Variants in RYR3 observed in about 807,000 individuals in gnomAD.
The protein encoded by RYR3 is ryanodine receptor 3, also known as brain ryanodine receptor-calcium release channel.
In RYR3, 207 loss-of-function variants were observed where a neutral mutation model predicts 584.3. The observed-to-expected ratio is 0.35, with a 90% confidence interval of 0.32 to 0.40. RYR3 has a LOEUF of 0.40. RYR3 is among the 10% of genes least tolerant of loss of function. The pLI is 1.00. For synonymous variants in RYR3, 2,416 were observed against 2,248.5 expected (o/e 1.07, Z -2.11); for missense variants, 5,616 against 6,089.2 (o/e 0.92, Z 2.59).
chr15:33,425,850 G>A (rs189372905), intron 1 of RYR3, among the ~76,000 whole-genome samples: 1,874 of 152,086 alleles, frequency 0.012, 22 homozygotes, highest in Non-Finnish European at 0.019. Flanking sequence ...CACCGTGTTA[G>A]CCAGGATGGT....
intron 85 of RYR3, among the ~76,000 whole-genome samples, chr15:33,829,167 A>G (rs113767119): frequency 1.1e-3 from 149 of 140,190 alleles, no homozygotes; most frequent in African/African-American, 3.9e-3. Flanking sequence ...CCAACTGCTC[A>G]GAAAAAAAAA....
At chr15:33,462,889 A>G (rs2048161089) in intron 1 of RYR3, among the ~76,000 whole-genome samples, 1 of 152,122 alleles carries the variant, frequency 6.6e-6, no homozygotes, top group Non-Finnish European at 1.5e-5. Flanking sequence ...TTCTTCAAAT[A>G]AGGTTCAGGT....
intron 78 of RYR3, 79 bp downstream of exon 78, chr15:33,820,891 T>A: frequency 4.4e-6 from 2 of 458,592 alleles, no homozygotes; most frequent in Non-Finnish European, 6.1e-6. Flanking sequence ...GTGCTGACAT[T>A]AGCCTATTGA....
intron 3 of RYR3, among the ~76,000 whole-genome samples, chr15:33,527,756 A>T (rs2054514089): frequency 6.6e-6 from 1 of 152,186 alleles, no homozygotes; most frequent in African/African-American, 2.4e-5. Context: ...TTTGAGCAAG[A>T]AAGTAACATG....
At chr15:33,533,412 CTT>C in intron 5 of RYR3, 23 bp downstream of exon 5, 1 of 1,557,158 alleles carries the variant, frequency 6.4e-7, no homozygotes, top group African/African-American at 1.4e-5. Context: ...TCCCAGATCT[CTT>C]GAGCTCAGCG....
intron 28 of RYR3, 186 bp from the exon 29 acceptor site, chr15:33,646,165 G>A: frequency 5.7e-6 from 3 of 521,842 alleles, no homozygotes; most frequent in Admixed American, 3.4e-5. Flanking sequence ...GCCAGGAGCA[G>A]ATCTGTTTCT....
intron 67 of RYR3, among the ~76,000 whole-genome samples, chr15:33,789,735 C>T (rs1214953685): frequency 1.8e-5 from 2 of 109,688 alleles, no homozygotes; most frequent in African/African-American, 3.7e-5. Flanking sequence ...AGTGCAGTGG[C>T]GCAATCTCGG....
At chr15:33,580,223 C>T in intron 13 of RYR3, 79 bp downstream of exon 13, 2 of 1,172,792 alleles carry the variant, frequency 1.7e-6, no homozygotes, top group Non-Finnish European at 2.4e-6. Context: ...TTAGCTTTGT[C>T]TTTCTGCATG....
chr15:33,603,672 G>A (rs1369708883), intron 18 of RYR3, among the ~76,000 whole-genome samples: 2 of 152,178 alleles, frequency 1.3e-5, no homozygotes, highest in Admixed American at 6.5e-5. Flanking sequence ...ACTGAGCAGT[G>A]AGTTACATAC....
intron 40 of RYR3, among the ~76,000 whole-genome samples, chr15:33,699,009 T>A (rs973967131): frequency 6.6e-6 from 1 of 152,158 alleles, no homozygotes; most frequent in Non-Finnish European, 1.5e-5. Flanking sequence ...AACAGTAATG[T>A]AAGATGGCAT....
chr15:33,842,998 G>A lies in RYR3; in HGVS notation c.13210-490G>A, dbSNP rs138962609. On this transcript the variant is annotated intron_variant, in intron 91 of 103. Coordinates refer to ENST00000634891, the MANE Select transcript of RYR3 (RefSeq NM_001036.6). ...CATTTTGGTTCCATGTTCATGACACGACACAGTCATGCCATGGCTGTGTTA... is the reference window on the plus strand; with the variant it reads ...CATTTTGGTTCCATGTTCATGACACAACACAGTCATGCCATGGCTGTGTTA... Among the ~76,000 whole-genome samples, 36 of 152,128 alleles carry A rather than the reference G, an allele frequency of 2.4e-4. No individual in the cohort carries two copies. The East Asian group carries it at 5.6e-3, about 24-fold the overall frequency.
chr15:33,678,149 G>A lies in RYR3; in HGVS notation c.5860+7593G>A, dbSNP rs140589032. ...CATTCAGGCACAGTAATAAAGAGTC[G>A]GACACAGGAAGCTCTTAGTAAATGT... On this transcript the variant is annotated intron_variant, in intron 38 of 103. Coordinates refer to ENST00000634891, the MANE Select transcript of RYR3 (RefSeq NM_001036.6). 3.9e-4 allele frequency among the ~76,000 whole-genome samples: 60 copies of A among 152,182 alleles called. No individual in the cohort carries two copies. The East Asian group carries it at 8.7e-3, about 22-fold the overall frequency.
intron 92 of RYR3, 87 bp downstream of exon 92, chr15:33,843,661 C>T: frequency 3.1e-6 from 3 of 960,194 alleles, no homozygotes; most frequent in Non-Finnish European, 4.7e-6. Context: ...AGAATTTGTG[C>T]TCTTAATTGT....
chr15:33,688,306 G>T (rs1262512156), intron 38 of RYR3, among the ~76,000 whole-genome samples: 1 of 152,158 alleles, frequency 6.6e-6, no homozygotes, highest in Non-Finnish European at 1.5e-5. Flanking sequence ...GGGCACGGTG[G>T]CTCACACCTG....
Position 33,661,403 on chromosome 15 carries a change from T to C in RYR3, c.4623-750T>C, listed in dbSNP as rs140345669. On this transcript the variant is annotated intron_variant, in intron 34 of 103. Coordinates refer to ENST00000634891, the MANE Select transcript of RYR3 (RefSeq NM_001036.6). Reference sequence around the variant, plus strand: ...TATGTTTGTGAAAACAAAACAAGTATGTTTGTTTTCAGGTCGTTGGAGGAA... The same window carrying C: ...TATGTTTGTGAAAACAAAACAAGTACGTTTGTTTTCAGGTCGTTGGAGGAA... Among the ~76,000 whole-genome samples the C allele has an allele frequency of 1.9e-3, 282 of 152,278 alleles. 1 individual carries two copies. The highest frequency in any genetic ancestry group is 3.3e-3 in the Non-Finnish European group (222 of 68,020).
chr15:33,640,407 T>C (rs1476438867), intron 27 of RYR3, among the ~76,000 whole-genome samples: 1 of 152,208 alleles, frequency 6.6e-6, no homozygotes, highest in Non-Finnish European at 1.5e-5. Context: ...GGAATGGGTA[T>C]AGCATGTGCT....
chr15:33,399,423 G>A (rs1033120818), intron 1 of RYR3, among the ~76,000 whole-genome samples: 1 of 152,062 alleles, frequency 6.6e-6, no homozygotes, highest in Non-Finnish European at 1.5e-5. Flanking sequence ...GGAGGATCTC[G>A]AGGTCAGGAG....
chr15:33,354,199 G>A (rs770159629), intron 1 of RYR3, among the ~76,000 whole-genome samples: 2 of 152,148 alleles, frequency 1.3e-5, no homozygotes, highest in Non-Finnish European at 2.9e-5. Flanking sequence ...CCTTTGAGAG[G>A]CAGTCAACCT....
At chr15:33,474,120 A>G (rs556796715) in intron 2 of RYR3, among the ~76,000 whole-genome samples, 1 of 152,088 alleles carries the variant, frequency 6.6e-6, no homozygotes, top group Non-Finnish European at 1.5e-5. Context: ...TCTGCTTTTC[A>G]TGATCTGTGT....
Sources: gnomAD v4.1 joint callset for allele counts (sites outside exome capture counted in the v4.1 genomes callset) on GRCh38, gnomAD v4.1.1 for gene constraint, MANE v1.5 for transcripts, NCBI Gene and HGNC (gene_info 2026-07-23, HGNC 2026-07-21) for gene names.